CDC42EP1: variants seen among roughly 807,000 people sequenced by gnomAD.
CDC42EP1 encodes CDC42 effector protein 1.
Under a neutral mutation model 7.4 loss-of-function variants are expected in CDC42EP1, and 6 were observed. That is an observed-to-expected ratio of 0.81 (90% confidence interval 0.44 to 1.60). The LOEUF (loss-of-function observed/expected upper bound fraction) is 1.60, where lower values mean the gene tolerates loss of function less well. Ranked by LOEUF, CDC42EP1 falls within the 40% of genes most tolerant of loss-of-function variation. The pLI, the probability that CDC42EP1 is intolerant of heterozygous loss-of-function variation, is 0.01. For synonymous variants in CDC42EP1, 238 were observed against 227.1 expected, an observed-to-expected ratio of 1.05 and a Z score of -0.43; for missense variants, 567 against 539.0, an observed-to-expected ratio of 1.05 and a Z score of -0.51.
At chr22:37,561,491 T>G (rs991708431) in intron 1 of CDC42EP1, among the ~76,000 whole-genome samples, 5 of 152,324 alleles carry the variant, frequency 3.3e-5, no homozygotes, top group African/African-American at 1.2e-4. Flanking sequence ...GGTGCCCCCC[T>G]TGGAATACGG....
intron 1 of CDC42EP1, among the ~76,000 whole-genome samples, chr22:37,561,807 G>A (rs1307778468): frequency 6.6e-6 from 1 of 152,168 alleles, no homozygotes; most frequent in East Asian, 1.9e-4. Flanking sequence ...CGGCCTGCGG[G>A]TGACCCCCAG....
At chr22:37,562,976 G>A in intron 1 of CDC42EP1, among the ~76,000 whole-genome samples, 1 of 152,114 alleles carries the variant, frequency 6.6e-6, no homozygotes, top group Non-Finnish European at 1.5e-5. Context: ...GAGCATGGTG[G>A]TATGTGCCTG....
At chr22:37,564,839 C>T (rs906780933) in intron 1 of CDC42EP1, among the ~76,000 whole-genome samples, 36 of 152,292 alleles carry the variant, frequency 2.4e-4, no homozygotes, top group East Asian at 3.9e-4. Flanking sequence ...AGTGCAGTGG[C>T]GCAATCTCGG....
intron 1 of CDC42EP1, among the ~76,000 whole-genome samples, chr22:37,563,107 C>CA (rs1414461782): frequency 6.8e-6 from 1 of 146,046 alleles, no homozygotes; most frequent in Non-Finnish European, 1.5e-5. Flanking sequence ...GACCCTGCCT[C>CA]AAAAAAGAAA....
At chr22:37,565,575 T>G (rs1182583538) in intron 1 of CDC42EP1, 2 of 35,302 alleles carry the variant, frequency 5.7e-5, no homozygotes, top group Non-Finnish European at 9.0e-5. Flanking sequence ...TTGTTTTTTT[T>G]TTTTTTTTTT....
Position 37,566,125 on chromosome 22 carries a change from C to T in CDC42EP1, c.-225C>T, listed in dbSNP as rs1317780662. ...GACCACCTCGGGGGTGCTTTCTCTG[C>T]GCTTGAACATCTATAGCTGCTTCTG... On this transcript the variant is annotated 5_prime_UTR_variant, in exon 2 of 3. Transcript: ENST00000249014. The surrounding 1 kb of genome is among the most constrained non-coding windows in gnomAD (Gnocchi z 6.4). The T allele has an allele frequency of 1.2e-5, 5 of 411,908 alleles. No individual in the cohort carries two copies. The highest frequency in any genetic ancestry group is 7.9e-5 in the South Asian group (1 of 12,598). The allele number at this position is 411,908 out of a possible 1,614,324, so 25.5% of individuals were successfully genotyped here. A position where few individuals can be genotyped will look rare whatever the true frequency, so the allele number is the denominator to read the frequency against.
chr22:37,567,003 G>T (rs1186969551), intron 2 of CDC42EP1, among the ~76,000 whole-genome samples, 191 bp downstream of exon 2: 1 of 152,224 alleles, frequency 6.6e-6, no homozygotes, highest in East Asian at 1.9e-4. Flanking sequence ...GAGGTTGAGA[G>T]TGAGGAGGTG....
chr22:37,565,154 C>T lies in CDC42EP1; in HGVS notation c.-278-918C>T, dbSNP rs1925183596. Among the ~76,000 whole-genome samples the T allele has an allele frequency of 2.0e-5, 3 of 151,298 alleles. No individual in the cohort carries two copies. In the South Asian group the frequency reaches 6.3e-4, roughly 32 times the overall value. On this transcript the variant is annotated intron_variant, in intron 1 of 2. Coordinates refer to ENST00000249014, the MANE Select transcript of CDC42EP1 (RefSeq NM_152243.3). ...CTTAGTAAGTGCTTCATAAGTGGGCCCTGCAGAATAAGTGCTTTCTTTTTT... is the reference window on the plus strand; with the variant it reads ...CTTAGTAAGTGCTTCATAAGTGGGCTCTGCAGAATAAGTGCTTTCTTTTTT...
At chr22:37,563,730 G>C (rs979441163) in intron 1 of CDC42EP1, 5 of 152,186 alleles carry the variant, frequency 3.3e-5, no homozygotes, top group South Asian at 4.1e-4. Flanking sequence ...AGACATAGGT[G>C]TTCTTAAGGA....
intron 1 of CDC42EP1, among the ~76,000 whole-genome samples, chr22:37,561,843 C>G (rs1232924610): frequency 6.6e-6 from 1 of 152,182 alleles, no homozygotes; most frequent in Admixed American, 6.5e-5. Flanking sequence ...CAGCCGCCCC[C>G]GCTCTCCTTC....
rs372840111 is a variant in CDC42EP1 at position 37,568,356 on chromosome 22, C to A, written c.712C>A (p.Pro238Thr). The A allele has an allele frequency of 2.6e-6, 4 of 1,567,326 alleles. No homozygotes were observed. The highest frequency in any genetic ancestry group is 1.7e-6 in the Non-Finnish European group (2 of 1,149,604). The change falls in exon 3 of 3, where the codon CCC becomes ACC. Residue 238 changes from proline (P) to threonine (T), a missense_variant. Transcript: ENST00000249014. The part of the protein sequence containing the change: ...AANPPAPTAN[P>T]TGPAANPPAT... ...AAACCCCCCAGCCCCTACTGCAAAC[C>A]CCACGGGTCCTGCTGCAAACCCCCC...
chr22:37,568,325 C>G lies in CDC42EP1; in HGVS notation c.681C>G (p.Pro227=), dbSNP rs987241599. The G allele has an allele frequency of 2.2e-5, 35 of 1,609,496 alleles. No individual in the cohort carries two copies. The South Asian group carries it at 3.2e-4, about 15-fold the overall frequency. The change falls in exon 3 of 3, where the codon CCC becomes CCG. Residue 227 remains proline (P), a synonymous_variant. Coordinates refer to ENST00000249014, the MANE Select transcript of CDC42EP1 (RefSeq NM_152243.3). ...PEAPAAETPA[P]AANPPAPTAN... ...CCCCTGCAGCTGAGACTCCAGCCCC[C>G]GCTGCAAACCCCCCAGCCCCTACTG...
chr22:37,563,740 A>G (rs1032443800), intron 1 of CDC42EP1: 2 of 152,118 alleles, frequency 1.3e-5, no homozygotes, highest in Non-Finnish European at 2.9e-5. Flanking sequence ...GTTCTTAAGG[A>G]TCATTATTGA....
chr22:37,564,056 A>T (rs1187150657), intron 1 of CDC42EP1, among the ~76,000 whole-genome samples: 1 of 152,208 alleles, frequency 6.6e-6, no homozygotes, highest in Non-Finnish European at 1.5e-5. Context: ...GGCTTATGTG[A>T]GTCAGAGGCT....
In CDC42EP1 at chr22:37,566,854, G is replaced by C. The variant is rs774982237; in HGVS notation, c.463+42G>C. The C allele has an allele frequency of 6.8e-7, 1 of 1,461,144 alleles. No homozygotes were observed. The highest frequency in any genetic ancestry group is 9.2e-7 in the Non-Finnish European group (1 of 1,083,324). 90.5% of individuals were successfully genotyped at this position (1,461,144 alleles called of 1,614,324 possible). A position where few individuals can be genotyped will look rare whatever the true frequency, so the allele number is the denominator to read the frequency against. ...TCTTGGCCCACTTTTCAGAGGCTGA[G>C]GCTGAGGCCCAGAGGGGTTCAGTGG... On this transcript the variant is annotated intron_variant, in intron 2 of 2. Coordinates refer to ENST00000249014, the MANE Select transcript of CDC42EP1 (RefSeq NM_152243.3). The surrounding 1 kb of genome is among the most constrained non-coding windows in gnomAD (Gnocchi z 6.4).
Position 37,568,590 on chromosome 22 carries a change from G to T in CDC42EP1, c.946G>T (p.Ala316Ser). 6.3e-7 allele frequency: 1 copy of T among 1,599,838 alleles called. No individual in the cohort carries two copies. Among genetic ancestry groups the T allele is most frequent in the Non-Finnish European group, 8.5e-7 (1 of 1,173,748 alleles). Reference sequence around the variant, plus strand: ...GGGTCCCCGAGGACCTGCTGGCCCTGCCCTCGGCAGGCACTGGGGAGCAGG... The same window carrying T: ...GGGTCCCCGAGGACCTGCTGGCCCTTCCCTCGGCAGGCACTGGGGAGCAGG... ...GGGPRGPAGP[A>S]LGRHWGAGWD... Residue 316 changes from alanine (A) to serine (S), a missense_variant, in exon 3 of 3, where the codon GCC (alanine) becomes TCC (serine). Ala to Ser is a moderately conservative substitution (Grantham distance 99). Coordinates refer to ENST00000249014, the MANE Select transcript of CDC42EP1 (RefSeq NM_152243.3).
chr22:37,563,254 A>G (rs911511563), intron 1 of CDC42EP1, among the ~76,000 whole-genome samples: 8 of 152,160 alleles, frequency 5.3e-5, no homozygotes, highest in African/African-American at 1.9e-4. Context: ...ATCCCTGCTG[A>G]GCAGGGAAAC....
In CDC42EP1 at chr22:37,568,515, A is replaced by G. The variant is rs541554780; in HGVS notation, c.871A>G (p.Thr291Ala). Residue 291 changes from threonine to alanine, a missense_variant, in exon 3 of 3, where the codon ACA becomes GCA. Physicochemically the swap from Thr to Ala is moderately conservative, Grantham distance 58. Transcript: ENST00000249014. ...TPHGHCPNGV[T>A]AGLGPVAEVK... is the part of the protein sequence containing the mutation. The stretch of plus-strand genomic sequence containing the variant: ...CCATGGACACTGTCCCAATGGGGTA[A>G]CAGCTGGGTTGGGCCCAGTGGCTGA... 6.2e-7 allele frequency: 1 copy of G among 1,609,746 alleles called. No homozygotes were observed. Among genetic ancestry groups the G allele is most frequent in the African/African-American group, 1.3e-5 (1 of 74,986 alleles).
intron 2 of CDC42EP1, among the ~76,000 whole-genome samples, chr22:37,567,325 C>G (rs1453220313): frequency 2.0e-5 from 3 of 152,160 alleles, no homozygotes; most frequent in Non-Finnish European, 4.4e-5. Context: ...AGTAGGTGCT[C>G]AGGACACTGG....
Sources: gnomAD v4.1 joint callset for allele counts (sites outside exome capture counted in the v4.1 genomes callset) on GRCh38, gnomAD v4.1.1 for gene constraint, Gnocchi (gnomAD v3.1) non-coding constraint, MANE v1.5 for transcripts, NCBI Gene and HGNC (gene_info 2026-07-23, HGNC 2026-07-21) for gene names.